TMEM156: variants seen among roughly 807,000 people sequenced by gnomAD.
The protein encoded by TMEM156 is transmembrane protein 156.
A neutral mutation model predicts 30.5 loss-of-function variants in TMEM156; 28 were observed. The observed-to-expected ratio is 0.92, with a 90% CI of 0.68 to 1.26. The LOEUF (loss-of-function observed/expected upper bound fraction) is 1.26. Ranked by LOEUF, TMEM156 falls within the 50% of genes most tolerant of loss-of-function variation. TMEM156 has a pLI of 0.00. For missense variants in TMEM156, 351 were observed against 340.6 expected (o/e 1.03, Z -0.24); for synonymous variants, 137 against 119.9 (o/e 1.14, Z -0.93).
At chr4:39,022,776 C>T (rs1274169152) in intron 1 of TMEM156, among the ~76,000 whole-genome samples, 3 of 152,186 alleles carry the variant, frequency 2.0e-5, no homozygotes, top group Non-Finnish European at 2.9e-5. Context: ...GGTCAACTCA[C>T]ATTTTCCCAA....
intron 1 of TMEM156, among the ~76,000 whole-genome samples, chr4:39,013,569 T>C (rs1714275523): frequency 6.6e-6 from 1 of 151,682 alleles, no homozygotes. Context: ...CCCAGCTAAT[T>C]TTTTGTATTT....
At chr4:39,006,294 C>T (rs1276056944) in intron 1 of TMEM156, among the ~76,000 whole-genome samples, 1 of 151,992 alleles carries the variant, frequency 6.6e-6, no homozygotes, top group African/African-American at 2.4e-5. Context: ...GTATATTTTC[C>T]TAATTTTCTC....
At chr4:39,025,219 G>A (rs1371185392) in intron 1 of TMEM156, among the ~76,000 whole-genome samples, 1 of 151,640 alleles carries the variant, frequency 6.6e-6, no homozygotes, top group Non-Finnish European at 1.5e-5. Context: ...CGTGGTGGGG[G>A]CGCCTGTAAT....
At chr4:39,019,178 T>C (rs529994069) in intron 1 of TMEM156, among the ~76,000 whole-genome samples, 10 of 152,174 alleles carry the variant, frequency 6.6e-5, no homozygotes, top group Non-Finnish European at 1.3e-4. Flanking sequence ...TCTCTTCAAA[T>C]ATTGCCTTTA....
At chr4:38,969,377 C>A (rs1722491248) in intron 6 of TMEM156, among the ~76,000 whole-genome samples, 2 of 152,134 alleles carry the variant, frequency 1.3e-5, no homozygotes, top group Non-Finnish European at 2.9e-5. Flanking sequence ...AGATAATGAC[C>A]TCCAGTCCCA....
At chr4:39,020,879 T>C (rs1030018104) in intron 1 of TMEM156, among the ~76,000 whole-genome samples, 13 of 152,142 alleles carry the variant, frequency 8.5e-5, no homozygotes, top group African/African-American at 3.1e-4. Context: ...GCCTTTATGC[T>C]GTCTGTCATA....
intron 1 of TMEM156, among the ~76,000 whole-genome samples, chr4:39,001,623 C>T (rs910775527): frequency 6.6e-5 from 10 of 150,950 alleles, no homozygotes; most frequent in African/African-American, 2.4e-4. Context: ...CACTACCTGA[C>T]TTCAAACTAT....
In TMEM156 at chr4:38,971,127, C is replaced by T. The variant is rs75448210; in HGVS notation, c.834G>A (p.Thr278=). The T allele has an allele frequency of 1.1e-3, 1,698 of 1,613,846 alleles. 20 individuals are homozygous for T. In the African/African-American group the frequency reaches 0.02, roughly 19 times the overall value. Residue 278 remains threonine, a synonymous_variant, in exon 6 of 7, where the codon ACG becomes ACA. Coordinates refer to ENST00000381938, the MANE Select transcript of TMEM156 (RefSeq NM_024943.3). The stretch of plus-strand genomic sequence containing the variant: ...GGACTTGATCCAAAGGCAGCCTCTG[C>T]GTGGTCTCTGCTATTTAAGAAGGAG... ...LNVQVLSAET[T]QRLPLDQVQE... is the part of the protein sequence containing the mutation.
intron 1 of TMEM156, among the ~76,000 whole-genome samples, chr4:39,006,629 C>T (rs1244275128): frequency 5.3e-5 from 8 of 151,962 alleles, no homozygotes; most frequent in Admixed American, 1.3e-4. Flanking sequence ...TCTTAATATA[C>T]GGACTGCCTG....
intron 5 of TMEM156, among the ~76,000 whole-genome samples, chr4:38,978,029 A>T (rs953072909): frequency 3.3e-5 from 5 of 152,106 alleles, no homozygotes; most frequent in Non-Finnish European, 7.4e-5. Context: ...TTTGATTCCC[A>T]CTGAGTACTG....
intron 1 of TMEM156, among the ~76,000 whole-genome samples, chr4:39,029,465 AT>A (rs1357542415): frequency 1.4e-5 from 1 of 70,712 alleles, no homozygotes. Context: ...TTAAGAACTA[AT>A]TTTTTTGGGA....
intron 1 of TMEM156, among the ~76,000 whole-genome samples, chr4:39,015,269 A>G (rs1030175221): frequency 5.9e-5 from 9 of 152,206 alleles, no homozygotes; most frequent in African/African-American, 2.2e-4. Context: ...ATAACATGGC[A>G]AAGTGGAATT....
intron 2 of TMEM156, among the ~76,000 whole-genome samples, chr4:38,997,068 A>G (rs145244007): frequency 9.8e-4 from 150 of 152,340 alleles, no homozygotes; most frequent in African/African-American, 3.5e-3. Context: ...GTACTTTATT[A>G]CAGAGCCACA....
chr4:39,031,799 C>T (rs1413576512), intron 1 of TMEM156, among the ~76,000 whole-genome samples: 1 of 145,962 alleles, frequency 6.9e-6, no homozygotes, highest in East Asian at 2.0e-4. Context: ...AGGAGAATTG[C>T]TTGAATCCGG....
intron 5 of TMEM156, among the ~76,000 whole-genome samples, chr4:38,982,449 C>G (rs1468181336): frequency 6.6e-6 from 1 of 152,202 alleles, no homozygotes; most frequent in Non-Finnish European, 1.5e-5. Context: ...ACAAAGCGTA[C>G]TATGCCTTCT....
At chr4:38,994,217 C>G (rs1180712079) in intron 2 of TMEM156, among the ~76,000 whole-genome samples, 1 of 152,066 alleles carries the variant, frequency 6.6e-6, no homozygotes, top group Non-Finnish European at 1.5e-5. Context: ...CTCACCCTCC[C>G]GGGCTCAAGC....
At chr4:39,001,183 A>G (rs1274217564) in intron 1 of TMEM156, among the ~76,000 whole-genome samples, 12 of 149,800 alleles carry the variant, frequency 8.0e-5, no homozygotes, top group Non-Finnish European at 1.6e-4. Context: ...ATCCTGGCTA[A>G]CACAGTGAAA....
chr4:38,971,049 C>T lies in TMEM156; in HGVS notation c.*21G>A. ...TCACTCACCGTGTATATTGATCTCA[C>T]TGATGCACTGTGGAAGTAACTTATA... On this transcript the variant is annotated 3_prime_UTR_variant, in exon 6 of 7. Coordinates refer to ENST00000381938, the MANE Select transcript of TMEM156 (RefSeq NM_024943.3). The T allele has an allele frequency of 6.2e-7, 1 of 1,609,802 alleles. No individual in the cohort carries two copies.
intron 1 of TMEM156, among the ~76,000 whole-genome samples, chr4:39,023,849 G>A (rs1307038617): frequency 2.6e-5 from 4 of 151,724 alleles, no homozygotes; most frequent in African/African-American, 4.8e-5. Context: ...GTGAGACTCC[G>A]TTTAAAAAAT....
Sources: gnomAD v4.1 joint callset for allele counts (sites outside exome capture counted in the v4.1 genomes callset) on GRCh38, gnomAD v4.1.1 for gene constraint, MANE v1.5 for transcripts, NCBI Gene and HGNC (gene_info 2026-07-23, HGNC 2026-07-21) for gene names.